IMMP2L: variants seen among roughly 807,000 people sequenced by gnomAD.
IMMP2L encodes the protein inner mitochondrial membrane peptidase subunit 2, also known as mitochondrial inner membrane protease subunit 2.
A neutral mutation model predicts 19.3 loss-of-function variants in IMMP2L; 18 were observed. The observed-to-expected ratio is 0.93, with a 90% CI of 0.64 to 1.38. IMMP2L has a LOEUF of 1.38. Ranked by LOEUF, IMMP2L falls within the 40% of genes most tolerant of loss-of-function variation. The pLI is 0.00. For missense variants in IMMP2L, 233 were observed against 218.2 expected (o/e 1.07, Z -0.43); for synonymous variants, 76 against 73.0 (o/e 1.04, Z -0.21).
chr7:110,794,773 T>C (rs898288912), intron 5 of IMMP2L, among the ~76,000 whole-genome samples: 1 of 152,106 alleles, frequency 6.6e-6, no homozygotes, highest in Non-Finnish European at 1.5e-5. Context: ...ATCATACATA[T>C]GAGTTAAAAG....
chr7:111,269,876 G>A (rs1357429162), intron 3 of IMMP2L, among the ~76,000 whole-genome samples: 1 of 151,994 alleles, frequency 6.6e-6, no homozygotes, highest in African/African-American at 2.4e-5. Flanking sequence ...ACCTATACCT[G>A]CTCTAAGGAG....
chr7:110,794,595 C>A (rs753575886), intron 5 of IMMP2L, among the ~76,000 whole-genome samples: 109 of 151,932 alleles, frequency 7.2e-4, no homozygotes, highest in Admixed American at 2.9e-3. Flanking sequence ...TTGGAAAAAA[C>A]CAATAAGACA....
At chr7:111,437,349 G>A (rs971291797) in intron 3 of IMMP2L, among the ~76,000 whole-genome samples, 3 of 151,764 alleles carry the variant, frequency 2.0e-5, no homozygotes, top group African/African-American at 4.9e-5. Flanking sequence ...GGAGGCTGAG[G>A]CAAGAGAATC....
intron 4 of IMMP2L, among the ~76,000 whole-genome samples, chr7:110,943,976 G>T (rs981409754): frequency 6.6e-6 from 1 of 151,932 alleles, no homozygotes; most frequent in Non-Finnish European, 1.5e-5. Context: ...TAAAGATAAG[G>T]AGTTGGGATT....
At chr7:111,110,103 C>G (rs1313502228) in intron 3 of IMMP2L, among the ~76,000 whole-genome samples, 4 of 152,112 alleles carry the variant, frequency 2.6e-5, no homozygotes, top group African/African-American at 9.7e-5. Flanking sequence ...CCACTGCACT[C>G]CAGCCTAGGC....
In IMMP2L at chr7:111,282,192, G is replaced by A. The variant is rs576105310; in HGVS notation, c.239+205046C>T. Among the ~76,000 whole-genome samples, 13 of 152,218 alleles carry A rather than the reference G, an allele frequency of 8.5e-5. No homozygotes were observed. In the South Asian group the frequency reaches 1.9e-3, roughly 22 times the overall value. Reference sequence around the variant, plus strand: ...ACATAAAAAAATTATAGAAAGAAGCGTGACAGATCAACTTCTGGCATGACA... The same window carrying A: ...ACATAAAAAAATTATAGAAAGAAGCATGACAGATCAACTTCTGGCATGACA... On this transcript the variant is annotated intron_variant, in intron 3 of 5. Coordinates refer to ENST00000405709, the MANE Select transcript of IMMP2L (RefSeq NM_032549.4).
At chr7:111,488,699 C>T (rs971908715) in intron 2 of IMMP2L, among the ~76,000 whole-genome samples, 7 of 151,986 alleles carry the variant, frequency 4.6e-5, no homozygotes, top group Non-Finnish European at 1.0e-4. Context: ...AGTTTATTTT[C>T]CTCTGGGTAG....
intron 3 of IMMP2L, among the ~76,000 whole-genome samples, chr7:111,156,976 TTCA>T (rs1304898402): frequency 1.1e-4 from 17 of 152,106 alleles, no homozygotes; most frequent in African/African-American, 3.9e-4. Context: ...TTAAAAGGTG[TTCA>T]ATATCACTGA....
At chr7:110,714,041 C>T (rs900939558) in intron 5 of IMMP2L, among the ~76,000 whole-genome samples, 3 of 152,096 alleles carry the variant, frequency 2.0e-5, no homozygotes, top group African/African-American at 7.2e-5. Flanking sequence ...TTTACTCATT[C>T]AGTATGATGC....
At chr7:111,452,996 C>G (rs1023174921) in intron 3 of IMMP2L, among the ~76,000 whole-genome samples, 19 of 152,112 alleles carry the variant, frequency 1.2e-4, no homozygotes, top group Non-Finnish European at 2.2e-4. Context: ...AGTAGGAGCT[C>G]TACTGAATAA....
intron 3 of IMMP2L, among the ~76,000 whole-genome samples, chr7:111,214,510 T>TC (rs1274351453): frequency 7.1e-6 from 1 of 140,840 alleles, no homozygotes; most frequent in Non-Finnish European, 1.6e-5. Flanking sequence ...ATCTGTTTTT[T>TC]TTTTTTTTTT....
intron 1 of IMMP2L, among the ~76,000 whole-genome samples, chr7:111,539,238 GAAA>G (rs1429307639): frequency 8.7e-5 from 11 of 127,064 alleles, no homozygotes; most frequent in South Asian, 2.6e-4. Context: ...AAGAAAGAAA[GAAA>G]GAAAGAAAGA....
chr7:110,977,450 A>G (rs1023881250), intron 3 of IMMP2L, among the ~76,000 whole-genome samples: 2 of 152,046 alleles, frequency 1.3e-5, no homozygotes, highest in Non-Finnish European at 2.9e-5. Context: ...ATGAGATAAT[A>G]AATTATAATG....
chr7:110,790,892 C>A (rs1800416362), intron 5 of IMMP2L, among the ~76,000 whole-genome samples: 1 of 151,666 alleles, frequency 6.6e-6, no homozygotes, highest in African/African-American at 2.4e-5. Flanking sequence ...AATAATGACA[C>A]CTCACATAAG....
intron 3 of IMMP2L, among the ~76,000 whole-genome samples, chr7:111,020,186 C>A (rs1473904547): frequency 6.6e-6 from 1 of 151,064 alleles, no homozygotes; most frequent in African/African-American, 2.4e-5. Context: ...GAGTTCGAGA[C>A]CAGCCTGGAC....
intron 3 of IMMP2L, chr7:111,392,125 A>G (rs1832417290): frequency 1.6e-6 from 1 of 619,426 alleles, no homozygotes. Context: ...CCCAAGGAGG[A>G]CCTCAGACAA....
chr7:110,818,064 A>C (rs1345981074), intron 5 of IMMP2L, among the ~76,000 whole-genome samples: 2 of 152,152 alleles, frequency 1.3e-5, no homozygotes, highest in Non-Finnish European at 2.9e-5. Context: ...CAAGGACTTC[A>C]TGTCTAAAAC....
intron 3 of IMMP2L, among the ~76,000 whole-genome samples, chr7:111,236,573 A>C (rs1354220814): frequency 6.6e-5 from 10 of 152,086 alleles, no homozygotes; most frequent in Non-Finnish European, 1.0e-4. Context: ...AGCTTTTTGT[A>C]GGTTCCCCAC....
intron 3 of IMMP2L, among the ~76,000 whole-genome samples, chr7:111,126,766 G>A (rs1443017849): frequency 6.6e-6 from 1 of 152,092 alleles, no homozygotes; most frequent in African/African-American, 2.4e-5. Context: ...AACATTCTGA[G>A]ACAATAAAAT....
Sources: gnomAD v4.1 joint callset for allele counts (sites outside exome capture counted in the v4.1 genomes callset) on GRCh38, gnomAD v4.1.1 for gene constraint, MANE v1.5 for transcripts, NCBI Gene and HGNC (gene_info 2026-07-23, HGNC 2026-07-21) for gene names.